The following CDH8 variants were observed in gnomAD, a reference collection of about 807,000 sequenced individuals.
The protein encoded by CDH8 is cadherin 8, also known as cadherin-8.
Under a neutral mutation model 68.1 loss-of-function variants are expected in CDH8, and 17 were observed. The ratio of observed to expected loss-of-function variants is 0.25; its 90% CI spans 0.17 to 0.37. CDH8 has a LOEUF of 0.37. Among genes scored for constraint, CDH8 ranks in the 10% least tolerant of loss-of-function variants. The pLI is 1.00. For missense variants in CDH8, 763 were observed against 999.3 expected (o/e 0.76, Z 3.19); for synonymous variants, 372 against 365.1 (o/e 1.02, Z -0.21).
chr16:61,893,527 C>T (rs1963815883), intron 3 of CDH8, among the ~76,000 whole-genome samples: 1 of 151,940 alleles, frequency 6.6e-6, no homozygotes, highest in African/African-American at 2.4e-5. Context: ...ATGAACACAA[C>T]TAATGCCCAG....
rs568979329 is a variant in CDH8 at position 61,887,513 on chromosome 16, C to T, written c.547+13666G>A. Among the ~76,000 whole-genome samples the T allele has an allele frequency of 8.5e-5, 13 of 152,282 alleles. No homozygotes were observed. The East Asian group carries it at 2.1e-3, about 25-fold the overall frequency. ...TGGCTTGCAGATGGCTTCCCTCTTG[C>T]TGCCTTCTCATGTGCTTGTTCATCT... On this transcript the variant is annotated intron_variant, in intron 3 of 11. Coordinates refer to ENST00000577390, the MANE Select transcript of CDH8 (RefSeq NM_001796.5).
intron 4 of CDH8, among the ~76,000 whole-genome samples, chr16:61,847,991 TTAGA>T (rs1962848945): frequency 1.3e-5 from 2 of 152,034 alleles, no homozygotes; most frequent in Non-Finnish European, 2.9e-5. Context: ...TTTGATGCTG[TTAGA>T]TAAACATGTT....
At chr16:61,796,133 G>A (rs1473651349) in intron 7 of CDH8, among the ~76,000 whole-genome samples, 1 of 151,760 alleles carries the variant, frequency 6.6e-6, no homozygotes, top group East Asian at 1.9e-4. Flanking sequence ...TATGAGGAAA[G>A]GGAATAGATG....
chr16:61,935,280 T>C (rs1300339172), intron 2 of CDH8, among the ~76,000 whole-genome samples: 1 of 152,186 alleles, frequency 6.6e-6, no homozygotes, highest in Non-Finnish European at 1.5e-5. Context: ...GTATGATGTA[T>C]AACTAGAAAA....
At chr16:61,854,057 T>C (rs1962994964) in intron 4 of CDH8, among the ~76,000 whole-genome samples, 1 of 152,048 alleles carries the variant, frequency 6.6e-6, no homozygotes, top group South Asian at 2.1e-4. Context: ...TGTATATATG[T>C]ATACATATAT....
intron 8 of CDH8, among the ~76,000 whole-genome samples, chr16:61,782,189 C>G (rs1961079787): frequency 6.6e-6 from 1 of 152,168 alleles, no homozygotes; most frequent in Non-Finnish European, 1.5e-5. Context: ...GGGTTCATCT[C>G]ACTAGGGAGT....
chr16:61,724,696 C>T (rs1329432437), intron 9 of CDH8, among the ~76,000 whole-genome samples: 1 of 150,768 alleles, frequency 6.6e-6, no homozygotes. Context: ...AATTTAATGG[C>T]TCATTCGGTT....
chr16:61,992,377 T>A (rs1965740855), intron 2 of CDH8, among the ~76,000 whole-genome samples: 1 of 133,608 alleles, frequency 7.5e-6, no homozygotes, highest in Non-Finnish European at 1.5e-5. Context: ...CACTCATAGA[T>A]GGGAATTGAA....
chr16:61,824,810 G>A lies in CDH8; in HGVS notation c.835+202C>T, dbSNP rs1261852619. On this transcript the variant is annotated intron_variant, in intron 5 of 11. Transcript: ENST00000577390. ...TGGTTCTAATTCTTACTTACTATAC[G>A]CTTGATATTTGGAAATGGTATCAAC... 2.0e-5 allele frequency among the ~76,000 whole-genome samples: 3 copies of A among 151,824 alleles called. No individual in the cohort carries two copies. In the East Asian group the frequency reaches 5.8e-4, roughly 30 times the overall value.
At chr16:61,695,282 A>G (rs1405889770) in intron 10 of CDH8, among the ~76,000 whole-genome samples, 2 of 152,232 alleles carry the variant, frequency 1.3e-5, no homozygotes, top group East Asian at 3.9e-4. Context: ...TCCCCAGTCA[A>G]TTTTGATGTG....
chr16:61,887,364 C>T (rs1963694006), intron 3 of CDH8, among the ~76,000 whole-genome samples: 1 of 152,134 alleles, frequency 6.6e-6, no homozygotes, highest in African/African-American at 2.4e-5. Flanking sequence ...ATACAGCTGC[C>T]ATAACAAAAT....
At chr16:61,968,651 G>GT (rs1200777229) in intron 2 of CDH8, among the ~76,000 whole-genome samples, 2 of 152,196 alleles carry the variant, frequency 1.3e-5, no homozygotes, top group African/African-American at 2.4e-5. Context: ...ATGAGGCATC[G>GT]TTTTTTAGAC....
chr16:61,697,931 T>C (rs73573229), intron 10 of CDH8, among the ~76,000 whole-genome samples: 2 of 152,246 alleles, frequency 1.3e-5, no homozygotes, highest in Non-Finnish European at 2.9e-5. Context: ...TTGAGGCAGC[T>C]GGATCTGGTT....
intron 8 of CDH8, among the ~76,000 whole-genome samples, chr16:61,733,300 T>C (rs1344913686): frequency 6.6e-6 from 1 of 151,884 alleles, no homozygotes; most frequent in East Asian, 1.9e-4. Flanking sequence ...CTTTTGGGTG[T>C]ATGTTTGTAT....
At chr16:61,826,614 C>T (rs901848145) in intron 4 of CDH8, among the ~76,000 whole-genome samples, 1 of 151,524 alleles carries the variant, frequency 6.6e-6, no homozygotes, top group African/African-American at 2.4e-5. Context: ...GAGCCATTGC[C>T]TTGGCCACTT....
At chr16:61,708,990 T>C (rs1020693770) in intron 10 of CDH8, among the ~76,000 whole-genome samples, 5 of 152,146 alleles carry the variant, frequency 3.3e-5, no homozygotes, top group African/African-American at 1.2e-4. Flanking sequence ...AATACAATCA[T>C]ATTGGAAATA....
At chr16:61,701,079 G>A (rs973083405) in intron 10 of CDH8, among the ~76,000 whole-genome samples, 1 of 152,268 alleles carries the variant, frequency 6.6e-6, no homozygotes, top group Non-Finnish European at 1.5e-5. Flanking sequence ...AATGAGATTA[G>A]AGTTTGGGCT....
In CDH8 at chr16:61,816,431, T is replaced by C. The variant is rs1962076776; in HGVS notation, c.1277+1048A>G. ...ACCAGGGTTTCCCCAAATGAAGTAA[T>C]TGGAAGCAGGTCTGCCCTAGTTATT... On this transcript the variant is annotated intron_variant, in intron 7 of 11. Transcript: ENST00000577390. Among the ~76,000 whole-genome samples, 2 of 152,142 alleles carry C rather than the reference T, an allele frequency of 1.3e-5. 1 individual carries two copies. The highest frequency in any genetic ancestry group is 4.1e-4 in the South Asian group (2 of 4,826).
At chr16:61,960,470 C>T (rs73566672) in intron 2 of CDH8, among the ~76,000 whole-genome samples, 4,533 of 114,702 alleles carry the variant, frequency 0.04, 733 homozygotes, top group African/African-American at 0.13. Flanking sequence ...AGAGAGTATA[C>T]ATATATTCTG....
Sources: gnomAD v4.1 joint callset for allele counts (sites outside exome capture counted in the v4.1 genomes callset) on GRCh38, gnomAD v4.1.1 for gene constraint, MANE v1.5 for transcripts, NCBI Gene and HGNC (gene_info 2026-07-23, HGNC 2026-07-21) for gene names.